The following NME7 variants were observed in gnomAD, a reference collection of about 807,000 sequenced individuals.
The protein encoded by NME7 is nucleoside diphosphate kinase 7.
In NME7, 41 loss-of-function variants were observed where a neutral mutation model predicts 49.1. The ratio of observed to expected loss-of-function variants is 0.83; its 90% CI spans 0.65 to 1.08. The LOEUF is 1.08. NME7 is among the 50% of genes least tolerant of loss of function. The pLI is 0.00. For synonymous variants in NME7, 139 were observed against 150.6 expected (o/e 0.92, Z 0.56); for missense variants, 423 against 463.4 (o/e 0.91, Z 0.80).
At chr1:169,348,896 C>CAAA (rs34701797) in intron 1 of NME7, among the ~76,000 whole-genome samples, 18 of 147,388 alleles carry the variant, frequency 1.2e-4, no homozygotes, top group South Asian at 2.1e-4. Context: ...AGAGTTAACT[C>CAAA]AAAAAAAAAA....
intron 11 of NME7, among the ~76,000 whole-genome samples, chr1:169,165,162 A>G (rs1380476856): frequency 2.6e-5 from 4 of 152,200 alleles, no homozygotes; most frequent in African/African-American, 9.6e-5. Context: ...ATATTCAAAG[A>G]AAACAAATTT....
At chr1:169,159,311 G>A (rs1659173195) in intron 11 of NME7, among the ~76,000 whole-genome samples, 1 of 152,180 alleles carries the variant, frequency 6.6e-6, no homozygotes, top group African/African-American at 2.4e-5. Context: ...CAAGGAGGAG[G>A]AGACTGGGTG....
chr1:169,295,778 T>G (rs1269876865), intron 6 of NME7, among the ~76,000 whole-genome samples: 1 of 152,118 alleles, frequency 6.6e-6, no homozygotes, highest in Admixed American at 6.5e-5. Context: ...ATTTCCCTGA[T>G]CTATTCCTTT....
intron 3 of NME7, among the ~76,000 whole-genome samples, chr1:169,322,783 A>C (rs1651902134): frequency 6.6e-6 from 1 of 152,062 alleles, no homozygotes; most frequent in African/African-American, 2.4e-5. Flanking sequence ...TCATCATTTG[A>C]AAACAGGGAG....
At chr1:169,303,765 T>C (rs1651067522) in intron 4 of NME7, among the ~76,000 whole-genome samples, 1 of 152,162 alleles carries the variant, frequency 6.6e-6, no homozygotes, top group Admixed American at 6.5e-5. Context: ...TCCATCTTTT[T>C]ACACAGCATC....
chr1:169,186,907 T>C (rs1046033955), intron 10 of NME7, among the ~76,000 whole-genome samples: 3 of 152,230 alleles, frequency 2.0e-5, no homozygotes, highest in African/African-American at 7.2e-5. Flanking sequence ...AATTTCCCTC[T>C]AAACACTGTT....
intron 7 of NME7, among the ~76,000 whole-genome samples, chr1:169,251,403 A>T (rs1648572285): frequency 6.6e-6 from 1 of 151,936 alleles, no homozygotes; most frequent in Non-Finnish European, 1.5e-5. Flanking sequence ...GACAGTATAT[A>T]TTTGGTTTGT....
intron 1 of NME7, among the ~76,000 whole-genome samples, chr1:169,355,187 TTATAG>T (rs1653387286): frequency 2.2e-5 from 1 of 44,666 alleles, no homozygotes; most frequent in African/African-American, 8.3e-5. Flanking sequence ...ATACTATATA[TTATAG>T]ATATAATATA....
chr1:169,200,531 C>T (rs1297041671), intron 10 of NME7, among the ~76,000 whole-genome samples: 1 of 152,068 alleles, frequency 6.6e-6, no homozygotes, highest in Non-Finnish European at 1.5e-5. Context: ...TGTGAGATTG[C>T]CTTTCATATG....
chr1:169,192,741 T>C (rs1286192916), intron 10 of NME7, among the ~76,000 whole-genome samples: 1 of 152,152 alleles, frequency 6.6e-6, no homozygotes, highest in Non-Finnish European at 1.5e-5. Flanking sequence ...AACAACTTAG[T>C]TATGGTAACT....
chr1:169,228,684 A>T, intron 10 of NME7, among the ~76,000 whole-genome samples: 1 of 66,298 alleles, frequency 1.5e-5, no homozygotes, highest in Non-Finnish European at 4.3e-5. Context: ...ACTCCGTCTC[A>T]AAAAAAAAAA....
chr1:169,247,658 G>C (rs1429105435), intron 7 of NME7, among the ~76,000 whole-genome samples: 4 of 151,736 alleles, frequency 2.6e-5, no homozygotes, highest in Non-Finnish European at 5.9e-5. Flanking sequence ...CTTCTGAGTC[G>C]CCAAAGTCCA....
Position 169,367,759 on chromosome 1 carries a change from A to G in NME7, c.-49T>C. ...AAATAGGTATCGTTGAGACAGGAAG[A>G]CACCACCACCACCACCATCATACGG... On this transcript the variant is annotated 5_prime_UTR_variant, in exon 1 of 12. Coordinates refer to ENST00000367811, the MANE Select transcript of NME7 (RefSeq NM_013330.5). 1 of 1,612,232 alleles carries G rather than the reference A, an allele frequency of 6.2e-7. No individual in the cohort carries two copies. Among genetic ancestry groups the G allele is most frequent in the Non-Finnish European group, 8.5e-7 (1 of 1,178,562 alleles).
At chr1:169,282,930 G>C (rs561756813) in intron 7 of NME7, among the ~76,000 whole-genome samples, 79 of 152,286 alleles carry the variant, frequency 5.2e-4, no homozygotes, top group African/African-American at 1.8e-3. Flanking sequence ...CTGTTGATTT[G>C]AGGTGGAGAG....
chr1:169,176,784 A>G (rs1191624300), intron 10 of NME7, among the ~76,000 whole-genome samples: 1 of 152,152 alleles, frequency 6.6e-6, no homozygotes, highest in African/African-American at 2.4e-5. Flanking sequence ...TCAACTAAAA[A>G]AGAAGAGTCA....
At chr1:169,340,813 A>C (rs1043669688) in intron 1 of NME7, among the ~76,000 whole-genome samples, 1 of 152,234 alleles carries the variant, frequency 6.6e-6, no homozygotes, top group Non-Finnish European at 1.5e-5. Flanking sequence ...TGAACTCAAA[A>C]GATGATTTAG....
At chr1:169,252,208 C>T (rs1393045189) in intron 7 of NME7, among the ~76,000 whole-genome samples, 2 of 151,786 alleles carry the variant, frequency 1.3e-5, no homozygotes, top group African/African-American at 4.8e-5. Context: ...TTCTCCACAT[C>T]CCCTCCAGCA....
chr1:169,207,730 G>A (rs916311582), intron 10 of NME7, among the ~76,000 whole-genome samples: 2 of 152,040 alleles, frequency 1.3e-5, no homozygotes, highest in Non-Finnish European at 2.9e-5. Flanking sequence ...TTCTAACATT[G>A]ATGAGAAATT....
chr1:169,288,450 C>T (rs551295913), intron 6 of NME7, among the ~76,000 whole-genome samples: 2 of 152,142 alleles, frequency 1.3e-5, no homozygotes, highest in Non-Finnish European at 2.9e-5. Context: ...AGTTTCACCT[C>T]TTGCAAATAC....
Sources: allele counts gnomAD v4.1 joint callset (sites outside exome capture counted in the v4.1 genomes callset), GRCh38; gene constraint gnomAD v4.1.1; transcripts MANE v1.5; gene names NCBI Gene and HGNC (gene_info 2026-07-23, HGNC 2026-07-21).